NHSL1: variants seen among roughly 807,000 people sequenced by gnomAD.
NHSL1 encodes NHS-like protein 1.
In NHSL1, 48 loss-of-function variants were observed where a neutral mutation model predicts 95.0. The ratio of observed to expected loss-of-function variants is 0.51; its 90% CI spans 0.40 to 0.64. NHSL1 has a LOEUF of 0.64. Among genes scored for constraint, NHSL1 ranks in the 30% least tolerant of loss-of-function variants. The pLI is 0.00. For synonymous variants in NHSL1, 783 were observed against 833.9 expected (o/e 0.94, Z 1.05); for missense variants, 1,971 against 2,077.7 (o/e 0.95, Z 1.00).
rs144290590 is a variant in NHSL1 at position 138,536,703 on chromosome 6, T to G, written c.16+8920A>C. Among the ~76,000 whole-genome samples the G allele has an allele frequency of 3.1e-3, 457 of 148,376 alleles. 1 individual carries two copies. Among genetic ancestry groups the G allele is most frequent in the African/African-American group, 0.011 (435 of 40,116 alleles). ...GTAGGTATACATGTGCCATGGTGGG[T>G]TGCTGCACCTATCTACCCGTCATCT... On this transcript the variant is annotated intron_variant, in intron 1 of 4. Coordinates refer to the NHSL1 transcript ENST00000342260.
chr6:138,431,208 G>A lies in NHSL1; in HGVS notation c.3137C>T (p.Ser1046Phe). Reference sequence around the variant, plus strand: ...AGGCGGCCTCAAGGATCCCCGGGAGGATTCTGGCTGGCCAGAATTTGTGAA... The same window carrying A: ...AGGCGGCCTCAAGGATCCCCGGGAGAATTCTGGCTGGCCAGAATTTGTGAA... ...PPFTNSGQPE[S>F]SRGSLRPPST... is the part of the protein sequence containing the mutation. Residue 1046 changes from serine to phenylalanine, a missense_variant, in exon 6 of 8, where the codon TCC becomes TTC. Physicochemically the swap from Ser to Phe is radical, Grantham distance 155. Around this residue, in one of 3 missense-constraint regions of NHSL1, gnomAD observed 1,602 missense variants for 1,654.5 expected, o/e 0.97. Transcript: ENST00000343505. The surrounding 1 kb of genome is among the most constrained non-coding windows in gnomAD (Gnocchi z 4.0). 2 of 1,535,352 alleles carry A rather than the reference G, an allele frequency of 1.3e-6. No homozygotes were observed. The highest frequency in any genetic ancestry group is 1.8e-6 in the Non-Finnish European group (2 of 1,137,402).
intron 2 of NHSL1, among the ~76,000 whole-genome samples, chr6:138,487,591 T>C (rs1009370593): frequency 6.6e-6 from 1 of 152,238 alleles, no homozygotes; most frequent in Non-Finnish European, 1.5e-5. Context: ...TTCACACATA[T>C]TACCCTTAAA....
chr6:138,559,148 T>C (rs1442949840), intron 1 of NHSL1, among the ~76,000 whole-genome samples: 1 of 152,344 alleles, frequency 6.6e-6, no homozygotes, highest in East Asian at 1.9e-4. Flanking sequence ...AATCCAAAAA[T>C]TGGAAGTTAA....
At chr6:138,612,243 C>T (rs1296005323) in intron 1 of NHSL1, among the ~76,000 whole-genome samples, 2 of 151,898 alleles carry the variant, frequency 1.3e-5, no homozygotes, top group African/African-American at 4.8e-5. Flanking sequence ...TACCATTTGC[C>T]TCAAATATTT....
At chr6:138,692,864 G>A (rs1785701639), upstream of NHSL1, among the ~76,000 whole-genome samples, 1 of 150,956 alleles carries the variant, frequency 6.6e-6, no homozygotes, top group Non-Finnish European at 1.5e-5. This position sits in a 1 kb window ranked among gnomAD's most constrained non-coding sequence, Gnocchi z 4.0. Flanking sequence ...GGCAGCGGCG[G>A]GGCGCCGAGG....
chr6:138,451,697 T>G (rs950690941), intron 3 of NHSL1, among the ~76,000 whole-genome samples: 1 of 152,202 alleles, frequency 6.6e-6, no homozygotes, highest in South Asian at 2.1e-4. Context: ...TAAAGTAACT[T>G]GACTTTTGGA....
At chr6:138,638,031 A>G (rs918816318) in intron 1 of NHSL1, among the ~76,000 whole-genome samples, 8 of 152,238 alleles carry the variant, frequency 5.3e-5, no homozygotes, top group Non-Finnish European at 1.2e-4. Context: ...TTCAGCCATT[A>G]AAAAGAATTA....
At chr6:138,484,523 A>C (rs933051271) in intron 2 of NHSL1, among the ~76,000 whole-genome samples, 1 of 152,224 alleles carries the variant, frequency 6.6e-6, no homozygotes, top group African/African-American at 2.4e-5. Context: ...AATTGTGGTC[A>C]TCGGCTCAAC....
chr6:138,598,263 C>T (rs1031996550), intron 1 of NHSL1, among the ~76,000 whole-genome samples: 2 of 151,918 alleles, frequency 1.3e-5, no homozygotes, highest in Non-Finnish European at 1.5e-5. Context: ...GTTCAAGACC[C>T]GTCAGGCCAA....
chr6:138,536,419 G>A (rs2128319819), intron 1 of NHSL1, among the ~76,000 whole-genome samples: 1 of 152,230 alleles, frequency 6.6e-6, no homozygotes, highest in African/African-American at 2.4e-5. Context: ...GTTCTCACTG[G>A]ACACGGAAAA....
intron 1 of NHSL1, among the ~76,000 whole-genome samples, chr6:138,643,292 C>T (rs1191449708): frequency 6.6e-6 from 1 of 152,164 alleles, no homozygotes; most frequent in Admixed American, 6.5e-5. Context: ...CAGATCCCAA[C>T]CTCCCTACTT....
intron 1 of NHSL1, among the ~76,000 whole-genome samples, chr6:138,649,358 C>T (rs1035205331): frequency 6.6e-6 from 1 of 151,780 alleles, no homozygotes; most frequent in African/African-American, 2.4e-5. Flanking sequence ...AAACTTGATA[C>T]TCTATGGATC....
intron 1 of NHSL1, among the ~76,000 whole-genome samples, chr6:138,609,984 T>C (rs1784487081): frequency 6.6e-6 from 1 of 152,108 alleles, no homozygotes; most frequent in African/African-American, 2.4e-5. Context: ...TTCAGTTGCA[T>C]GATGCATCTT....
At chr6:138,575,547 G>A (rs1185451160), upstream of NHSL1, among the ~76,000 whole-genome samples, 5 of 152,068 alleles carry the variant, frequency 3.3e-5, no homozygotes. Context: ...CTGTCTACTG[G>A]CTAGTCCATA....
At chr6:138,584,861 C>T (rs1784110151) in intron 1 of NHSL1, among the ~76,000 whole-genome samples, 1 of 152,148 alleles carries the variant, frequency 6.6e-6, no homozygotes. Flanking sequence ...ATTCTCCTTC[C>T]TAATCGTCCT....
In NHSL1 at chr6:138,646,342, C is replaced by T. The variant is rs146768772; in HGVS notation, c.96+46134G>A. Among the ~76,000 whole-genome samples the T allele has an allele frequency of 2.0e-5, 3 of 152,226 alleles. No individual in the cohort carries two copies. The East Asian group carries it at 5.8e-4, about 29-fold the overall frequency. ...GAAATAATATATTGAAAAGACTCAG[C>T]ATATACAGGTAATTGAATTAAAAAT... On this transcript the variant is annotated intron_variant, in intron 1 of 3. Transcript: ENST00000491526.
At chr6:138,466,046 G>GGGGC (rs1164719185) in intron 3 of NHSL1, among the ~76,000 whole-genome samples, 1 of 140,426 alleles carries the variant, frequency 7.1e-6, no homozygotes, top group Admixed American at 7.3e-5. Flanking sequence ...CTTTTTGGGG[G>GGGGC]GGGGGCAGGG....
At chr6:138,473,626 T>C (rs1284088305) in intron 2 of NHSL1, among the ~76,000 whole-genome samples, 193 bp from the exon 3 acceptor site, 1 of 152,178 alleles carries the variant, frequency 6.6e-6, no homozygotes, top group Non-Finnish European at 1.5e-5. Context: ...CATATATCAA[T>C]TAAATATTAA....
At chr6:138,562,854 C>A (rs115776485) in intron 1 of NHSL1, among the ~76,000 whole-genome samples, 1 of 152,118 alleles carries the variant, frequency 6.6e-6, no homozygotes, top group Non-Finnish European at 1.5e-5. Flanking sequence ...CCTTCCAATA[C>A]GGCTTCGACC....
Sources: allele counts gnomAD v4.1 joint callset (sites outside exome capture counted in the v4.1 genomes callset), GRCh38; gene constraint gnomAD v4.1.1; regional missense constraint gnomAD v4.1.1; non-coding constraint Gnocchi (gnomAD v3.1); transcripts MANE v1.5; gene names NCBI Gene and HGNC (gene_info 2026-07-23, HGNC 2026-07-21).